Variants in KCNH1 observed in about 807,000 individuals in gnomAD.
KCNH1 encodes voltage-gated delayed rectifier potassium channel KCNH1.
KCNH1 carries 27 observed loss-of-function variants against 69.2 expected under a neutral mutation model. The ratio of observed to expected loss-of-function variants is 0.39; its 90% CI spans 0.29 to 0.54. The LOEUF is 0.54. Ranked by LOEUF, KCNH1 falls within the 20% of genes least tolerant of loss-of-function variation. The pLI, the probability that KCNH1 is intolerant of heterozygous loss-of-function variation, is 0.68. For synonymous variants in KCNH1, 456 were observed against 487.7 expected, an observed-to-expected ratio of 0.93 and a Z score of 0.86; for missense variants, 798 against 1,261.6, an observed-to-expected ratio of 0.63 and a Z score of 5.57.
Position 211,025,278 on chromosome 1 carries a change from G to A in KCNH1, c.559-6022C>T, listed in dbSNP as rs551707362. On this transcript the variant is annotated intron_variant, in intron 5 of 10. Transcript: ENST00000271751. ...AGAGGTTGAAGACCCTTTAGTAGAG[G>A]TAAGATTAGCTGAATACCCCTGTTT... Among the ~76,000 whole-genome samples the A allele has an allele frequency of 2.0e-5, 3 of 152,286 alleles. No individual in the cohort carries two copies. The South Asian group carries it at 6.2e-4, about 32-fold the overall frequency.
chr1:211,132,401 T>C (rs774073834), intron 1 of KCNH1, among the ~76,000 whole-genome samples: 9 of 152,202 alleles, frequency 5.9e-5, no homozygotes, highest in Admixed American at 5.2e-4. Flanking sequence ...GTAATGACTG[T>C]GACCTTGACC....
chr1:211,093,126 C>T (rs1691086098), intron 3 of KCNH1, among the ~76,000 whole-genome samples: 1 of 152,198 alleles, frequency 6.6e-6, no homozygotes, highest in African/African-American at 2.4e-5. Context: ...CTGCACTGCA[C>T]CGGCTGGGCC....
At chr1:210,694,024 G>C (rs1233869957) in intron 10 of KCNH1, among the ~76,000 whole-genome samples, 5 of 152,126 alleles carry the variant, frequency 3.3e-5, no homozygotes, top group Non-Finnish European at 4.4e-5. Context: ...ATCCCTCAAA[G>C]GAGGAAAAGT....
chr1:210,794,153 C>T (rs1243068582), intron 9 of KCNH1, among the ~76,000 whole-genome samples: 2 of 152,216 alleles, frequency 1.3e-5, no homozygotes, highest in Non-Finnish European at 2.9e-5. Context: ...AAGAACAAAA[C>T]TCTGAATTTA....
intron 10 of KCNH1, among the ~76,000 whole-genome samples, chr1:210,720,931 T>C (rs889725870): frequency 2.6e-5 from 4 of 152,168 alleles, no homozygotes; most frequent in Non-Finnish European, 4.4e-5. Context: ...CACTCTGACA[T>C]TGATGTTGTC....
intron 7 of KCNH1, among the ~76,000 whole-genome samples, chr1:210,917,031 C>T (rs1687347238): frequency 6.6e-6 from 1 of 151,580 alleles, no homozygotes; most frequent in South Asian, 2.1e-4. Flanking sequence ...GCCTATAAGC[C>T]CAGCTACTTG....
intron 5 of KCNH1, among the ~76,000 whole-genome samples, chr1:211,034,132 A>G (rs1369696637): frequency 1.3e-5 from 2 of 152,200 alleles, no homozygotes; most frequent in African/African-American, 4.8e-5. Flanking sequence ...AAACTTGTAC[A>G]TGAATGTTTA....
At chr1:211,127,303 A>T (rs1046478257) in intron 1 of KCNH1, among the ~76,000 whole-genome samples, 2 of 152,164 alleles carry the variant, frequency 1.3e-5, no homozygotes, top group African/African-American at 4.8e-5. Context: ...TCAGTGAAAC[A>T]AATATAAATC....
chr1:210,803,930 A>C, intron 8 of KCNH1, 37 bp downstream of exon 8: 1 of 1,583,118 alleles, frequency 6.3e-7, no homozygotes, highest in Non-Finnish European at 8.6e-7. Flanking sequence ...GGAAACCAAA[A>C]GACAAATGGT....
chr1:210,751,158 A>G (rs1683275472), intron 10 of KCNH1, among the ~76,000 whole-genome samples: 1 of 152,056 alleles, frequency 6.6e-6, no homozygotes, highest in Non-Finnish European at 1.5e-5. Context: ...GCCCTCTTTG[A>G]TGTGGTGTAG....
intron 9 of KCNH1, among the ~76,000 whole-genome samples, chr1:210,796,225 G>A (rs182218883): frequency 1.3e-5 from 2 of 151,976 alleles, no homozygotes; most frequent in Admixed American, 6.5e-5. Flanking sequence ...TTTGGAGTCA[G>A]AGGGACTCTG....
intron 7 of KCNH1, among the ~76,000 whole-genome samples, chr1:210,898,372 G>C (rs187136331): frequency 6.6e-6 from 1 of 152,148 alleles, no homozygotes; most frequent in Non-Finnish European, 1.5e-5. Flanking sequence ...CCCACAGAAG[G>C]TACAGAAACA....
chr1:210,970,009 A>G (rs753508405), intron 6 of KCNH1, among the ~76,000 whole-genome samples: 9 of 151,760 alleles, frequency 5.9e-5, no homozygotes, highest in Non-Finnish European at 1.0e-4. Context: ...TGATCCTCCC[A>G]CCTCAGCCTA....
At chr1:210,819,696 T>G (rs889302792) in intron 7 of KCNH1, among the ~76,000 whole-genome samples, 4 of 152,170 alleles carry the variant, frequency 2.6e-5, no homozygotes, top group Non-Finnish European at 5.9e-5. Context: ...CCATTAGAAA[T>G]CATTGGCTTC....
At position 211,058,395 on chromosome 1, in the gene KCNH1, C is replaced by CTATAT. The variant is rs144294267; in HGVS notation, c.558+24380_558+24384dup. Among the ~76,000 whole-genome samples the CTATAT allele has an allele frequency of 7.0e-3, 1,064 of 152,070 alleles. 16 individuals carry two copies. Among genetic ancestry groups the CTATAT allele is most frequent in the African/African-American group, 0.024 (1,004 of 41,510 alleles). On this transcript the variant is annotated intron_variant, in intron 5 of 10. Coordinates refer to ENST00000271751, the MANE Select transcript of KCNH1 (RefSeq NM_172362.3). ...AAGTTGAACCAATAAAAAATGGTAG[C>CTATAT]TATATTTTTTAAGACAGTACAATAA...
chr1:210,689,664 C>T (rs975401387), intron 10 of KCNH1, among the ~76,000 whole-genome samples: 2 of 152,226 alleles, frequency 1.3e-5, no homozygotes, highest in Non-Finnish European at 2.9e-5. Context: ...AAATGCTCAG[C>T]AGTAGAAAGA....
chr1:210,923,248 A>C (rs908559528), intron 6 of KCNH1, among the ~76,000 whole-genome samples: 4 of 152,208 alleles, frequency 2.6e-5, no homozygotes, highest in Admixed American at 2.6e-4. Context: ...GGAGCATAGA[A>C]TTCACCTAGG....
intron 10 of KCNH1, among the ~76,000 whole-genome samples, chr1:210,751,562 T>C (rs1011533228): frequency 2.0e-5 from 3 of 151,974 alleles, no homozygotes; most frequent in African/African-American, 7.2e-5. Flanking sequence ...CCAGGCAAAG[T>C]GAGACAGCTA....
At position 210,722,771 on chromosome 1, in the gene KCNH1, G is replaced by A. The variant is rs1189939396; in HGVS notation, c.2113-38633C>T. 7.9e-5 allele frequency among the ~76,000 whole-genome samples: 12 copies of A among 152,282 alleles called. 1 individual carries two copies. In the East Asian group the frequency reaches 1.5e-3, roughly 20 times the overall value. On this transcript the variant is annotated intron_variant, in intron 10 of 10. Coordinates refer to ENST00000271751, the MANE Select transcript of KCNH1 (RefSeq NM_172362.3). Reference sequence around the variant, plus strand: ...CTCTATGAGTTTCTGAAATATCTTGGAATCAAGTCTAGTAAAATACAGCAA... The same window carrying A: ...CTCTATGAGTTTCTGAAATATCTTGAAATCAAGTCTAGTAAAATACAGCAA...
Sources: gnomAD v4.1 joint callset for allele counts (sites outside exome capture counted in the v4.1 genomes callset) on GRCh38, gnomAD v4.1.1 for gene constraint, MANE v1.5 for transcripts, NCBI Gene and HGNC (gene_info 2026-07-23, HGNC 2026-07-21) for gene names.